TMEM232: variants seen among roughly 807,000 people sequenced by gnomAD.
The protein encoded by TMEM232 is transmembrane protein 232.
Under a neutral mutation model 78.8 loss-of-function variants are expected in TMEM232, and 80 were observed. The observed-to-expected ratio is 1.01, with a 90% CI of 0.85 to 1.22. TMEM232 has a LOEUF of 1.22. Among genes scored for constraint, TMEM232 ranks in the 50% most tolerant of loss-of-function variants. The probability of loss-of-function intolerance (pLI) is 0.00; values close to 1 mark genes in which losing one functional copy is unlikely to be tolerated. For synonymous variants in TMEM232, 297 were observed against 254.3 expected (o/e 1.17, Z -1.60); for missense variants, 881 against 742.2 (o/e 1.19, Z -2.17).
At chr5:110,508,877 T>C (rs1291727855) in intron 12 of TMEM232, among the ~76,000 whole-genome samples, 3 of 143,118 alleles carry the variant, frequency 2.1e-5, no homozygotes, top group East Asian at 3.9e-4. Flanking sequence ...CACACACACA[T>C]ATATATGTGT....
intron 8 of TMEM232, 58 bp downstream of exon 8, chr5:110,618,371 A>G: frequency 6.5e-7 from 1 of 1,536,018 alleles, no homozygotes; most frequent in Non-Finnish European, 8.8e-7. Context: ...GGGTTATTTA[A>G]CATTTAAGCA....
At chr5:110,596,755 G>C (rs1368264687) in intron 10 of TMEM232, among the ~76,000 whole-genome samples, 2 of 152,090 alleles carry the variant, frequency 1.3e-5, no homozygotes, top group African/African-American at 4.8e-5. Flanking sequence ...CAGAGCCAAA[G>C]ACAAAAACCA....
intron 12 of TMEM232, among the ~76,000 whole-genome samples, chr5:110,455,839 A>G (rs1195063135): frequency 6.6e-6 from 1 of 152,256 alleles, no homozygotes; most frequent in African/African-American, 2.4e-5. Flanking sequence ...TCACTAAAAA[A>G]GAAAAACCGT....
chr5:110,578,898 C>T (rs1445788286), intron 10 of TMEM232, among the ~76,000 whole-genome samples: 3 of 151,768 alleles, frequency 2.0e-5, no homozygotes, highest in South Asian at 2.1e-4. Flanking sequence ...CACCCTTGTG[C>T]CATAACCCCT....
At chr5:110,570,755 G>T (rs998583095) in intron 10 of TMEM232, among the ~76,000 whole-genome samples, 1 of 151,936 alleles carries the variant, frequency 6.6e-6, no homozygotes, top group African/African-American at 2.4e-5. Context: ...TGTGGAAACT[G>T]ACCTTTCTAA....
intron 2 of TMEM232, among the ~76,000 whole-genome samples, chr5:110,400,050 A>T (rs1376821289): frequency 6.6e-6 from 1 of 152,270 alleles, no homozygotes; most frequent in African/African-American, 2.4e-5. Context: ...TTACAGTGGA[A>T]ATCTCATGAC....
intron 1 of TMEM232, among the ~76,000 whole-genome samples, chr5:110,685,460 TCTATTTCA>T (rs1199192310): frequency 6.6e-6 from 1 of 152,106 alleles, no homozygotes; most frequent in Non-Finnish European, 1.5e-5. Flanking sequence ...ATAATGAACT[TCTATTTCA>T]CACTAACTAG....
At chr5:110,519,615 T>C (rs1187217177) in intron 12 of TMEM232, among the ~76,000 whole-genome samples, 1 of 152,064 alleles carries the variant, frequency 6.6e-6, no homozygotes, top group Non-Finnish European at 1.5e-5. Flanking sequence ...TCAATCCCAC[T>C]GTTGGGCATA....
intron 2 of TMEM232, among the ~76,000 whole-genome samples, chr5:110,655,278 T>G (rs1036003494): frequency 2.0e-5 from 3 of 150,882 alleles, no homozygotes; most frequent in African/African-American, 7.3e-5. Context: ...AAGAAGACAT[T>G]TATGCAGCCA....
intron 1 of TMEM232, among the ~76,000 whole-genome samples, chr5:110,677,564 C>G (rs1481815322): frequency 5.9e-5 from 9 of 152,086 alleles, no homozygotes; most frequent in African/African-American, 2.2e-4. Flanking sequence ...AAAGTTATCA[C>G]TAAGCATCGT....
chr5:110,666,046 G>A (rs546673731), intron 2 of TMEM232, among the ~76,000 whole-genome samples: 15 of 152,158 alleles, frequency 9.9e-5, no homozygotes, highest in South Asian at 2.1e-4. Context: ...CTATAATCAC[G>A]CCACTGCACT....
intron 10 of TMEM232, among the ~76,000 whole-genome samples, chr5:110,599,947 G>A (rs191636656): frequency 1.1e-3 from 167 of 151,698 alleles, no homozygotes; most frequent in African/African-American, 3.8e-3. Context: ...TGAAAAGAAC[G>A]GAAATCATAA....
chr5:110,499,289 A>C (rs1000937254), intron 12 of TMEM232, among the ~76,000 whole-genome samples: 1 of 152,146 alleles, frequency 6.6e-6, no homozygotes, highest in African/African-American at 2.4e-5. Flanking sequence ...GTTGTCTACA[A>C]GATGTACTTT....
chr5:110,715,713 T>C (rs1034557813), intron 1 of TMEM232, among the ~76,000 whole-genome samples: 4 of 151,818 alleles, frequency 2.6e-5, no homozygotes, highest in Non-Finnish European at 4.4e-5. Context: ...AAAAGACTGG[T>C]TCAGGCCATG....
chr5:110,569,059 T>G (rs1219635896), intron 10 of TMEM232, among the ~76,000 whole-genome samples: 5 of 151,830 alleles, frequency 3.3e-5, no homozygotes, highest in African/African-American at 7.2e-5. Flanking sequence ...AAACATGGTA[T>G]TTGAACCAAG....
intron 7 of TMEM232, among the ~76,000 whole-genome samples, chr5:110,620,172 T>A (rs1306971299): frequency 3.3e-5 from 5 of 152,114 alleles, no homozygotes; most frequent in African/African-American, 9.7e-5. Context: ...ATTATGCCAA[T>A]TTTACACATC....
upstream of TMEM232, chr5:110,738,168 C>A: frequency 8.1e-7 from 1 of 1,236,716 alleles, no homozygotes; most frequent in Non-Finnish European, 1.0e-6. Context: ...GTTGAAGGAA[C>A]ATAGGATGAA....
chr5:110,470,299 A>T (rs905979675), intron 12 of TMEM232, among the ~76,000 whole-genome samples: 5 of 152,254 alleles, frequency 3.3e-5, no homozygotes, highest in African/African-American at 1.2e-4. Context: ...GCGCTAGAAG[A>T]TGCCTCACAG....
At chr5:110,730,213 G>C (rs763251319), upstream of TMEM232, among the ~76,000 whole-genome samples, 1 of 152,128 alleles carries the variant, frequency 6.6e-6, no homozygotes, top group Non-Finnish European at 1.5e-5. Context: ...ATTCAAATTA[G>C]TCCATAATAC....
Sources: gnomAD v4.1 joint callset for allele counts (sites outside exome capture counted in the v4.1 genomes callset) on GRCh38, gnomAD v4.1.1 for gene constraint, MANE v1.5 for transcripts, NCBI Gene and HGNC (gene_info 2026-07-23, HGNC 2026-07-21) for gene names.